The following CDH12 variants were observed in gnomAD, a reference collection of about 807,000 sequenced individuals.
CDH12 encodes cadherin 12.
CDH12 carries 41 observed loss-of-function variants against 74.1 expected under a neutral mutation model. That is an observed-to-expected ratio of 0.55 (90% CI 0.43 to 0.72). The LOEUF (loss-of-function observed/expected upper bound fraction) is 0.72, where lower values mean the gene tolerates loss of function less well. CDH12 is among the 30% of genes least tolerant of loss of function. The pLI is 0.00. For missense variants in CDH12, 945 were observed against 977.2 expected (o/e 0.97, Z 0.44); for synonymous variants, 399 against 355.0 (o/e 1.12, Z -1.39).
At chr5:22,665,542 T>C (rs1410774585) in intron 1 of CDH12, among the ~76,000 whole-genome samples, 1 of 152,188 alleles carries the variant, frequency 6.6e-6, no homozygotes, top group Non-Finnish European at 1.5e-5. Context: ...TATTACAGAA[T>C]CATTCTTGAG....
intron 3 of CDH12, among the ~76,000 whole-genome samples, chr5:22,367,476 T>C (rs1291009676): frequency 1.3e-5 from 2 of 152,188 alleles, no homozygotes; most frequent in East Asian, 3.9e-4. Context: ...TAGTTGGTTA[T>C]AGTTTCAGAA....
At chr5:21,984,991 G>C (rs1757454725) in intron 5 of CDH12, among the ~76,000 whole-genome samples, 1 of 151,906 alleles carries the variant, frequency 6.6e-6, no homozygotes, top group African/African-American at 2.4e-5. Context: ...TAAAATGCCT[G>C]TTATCACTTA....
At chr5:22,550,145 T>A (rs978151648) in intron 1 of CDH12, among the ~76,000 whole-genome samples, 1 of 152,192 alleles carries the variant, frequency 6.6e-6, no homozygotes, top group Admixed American at 6.5e-5. Flanking sequence ...TCAGTACAAT[T>A]TTCTGTCTCA....
intron 1 of CDH12, among the ~76,000 whole-genome samples, chr5:22,841,440 AATGTC>A (rs1737077383): frequency 6.6e-6 from 1 of 152,170 alleles, no homozygotes; most frequent in Admixed American, 6.6e-5. Flanking sequence ...GTGAATTTGG[AATGTC>A]TATTAGATAT....
At chr5:22,460,582 CAG>C (rs1229909725) in intron 2 of CDH12, among the ~76,000 whole-genome samples, 2 of 151,964 alleles carry the variant, frequency 1.3e-5, no homozygotes, top group African/African-American at 4.8e-5. Context: ...TCACTTATAG[CAG>C]AGATGTTTAA....
chr5:22,460,160 T>C (rs529591224), intron 2 of CDH12, among the ~76,000 whole-genome samples: 56 of 152,294 alleles, frequency 3.7e-4, no homozygotes, highest in African/African-American at 1.3e-3. Flanking sequence ...CTTTTAAGAA[T>C]GACATTAAAA....
chr5:22,055,280 C>T (rs942314912), intron 5 of CDH12, among the ~76,000 whole-genome samples: 2 of 152,138 alleles, frequency 1.3e-5, no homozygotes, highest in Non-Finnish European at 2.9e-5. Context: ...GAGAAAGAAC[C>T]AGCCATTCTG....
At chr5:21,772,257 T>C (rs1409484305) in intron 11 of CDH12, among the ~76,000 whole-genome samples, 1 of 152,096 alleles carries the variant, frequency 6.6e-6, no homozygotes, top group Non-Finnish European at 1.5e-5. Context: ...AATCAAAATA[T>C]CAGAACATGC....
intron 1 of CDH12, among the ~76,000 whole-genome samples, chr5:22,760,428 C>A (rs1159846303): frequency 6.6e-6 from 1 of 152,040 alleles, no homozygotes; most frequent in Non-Finnish European, 1.5e-5. Context: ...CGCCTGTAAT[C>A]CCATCACTTT....
intron 5 of CDH12, among the ~76,000 whole-genome samples, chr5:22,029,086 C>A (rs1738611455): frequency 6.6e-6 from 1 of 152,154 alleles, no homozygotes; most frequent in African/African-American, 2.4e-5. Context: ...TGGATCCCTT[C>A]CATACACCTT....
chr5:22,552,801 A>G (rs1738632743), intron 1 of CDH12, among the ~76,000 whole-genome samples: 1 of 152,228 alleles, frequency 6.6e-6, no homozygotes, highest in African/African-American at 2.4e-5. Context: ...CCGTAGTTTT[A>G]TGTCTATGGA....
intron 3 of CDH12, among the ~76,000 whole-genome samples, chr5:22,249,824 G>A (rs536673114): frequency 6.6e-6 from 1 of 152,088 alleles, no homozygotes; most frequent in Non-Finnish European, 1.5e-5. Flanking sequence ...ATCTTTTGTT[G>A]TATTGCATAT....
chr5:22,258,090 C>T (rs934746394), intron 3 of CDH12, among the ~76,000 whole-genome samples: 7 of 151,754 alleles, frequency 4.6e-5, no homozygotes, highest in South Asian at 4.2e-4. Flanking sequence ...TAGCTGAGGA[C>T]GTAAAGTTTT....
intron 1 of CDH12, among the ~76,000 whole-genome samples, chr5:22,768,138 G>A (rs1184348802): frequency 1.3e-5 from 2 of 151,880 alleles, no homozygotes; most frequent in Non-Finnish European, 2.9e-5. Flanking sequence ...ACTCACTACA[G>A]CTACTTAATC....
At chr5:22,719,378 G>A (rs1743759337) in intron 1 of CDH12, among the ~76,000 whole-genome samples, 1 of 152,182 alleles carries the variant, frequency 6.6e-6, no homozygotes, top group Admixed American at 6.5e-5. Flanking sequence ...GATGGTTACG[G>A]TGATGGTAGA....
intron 1 of CDH12, among the ~76,000 whole-genome samples, chr5:22,513,170 G>T (rs1736680555): frequency 6.6e-6 from 1 of 152,128 alleles, no homozygotes; most frequent in Admixed American, 6.5e-5. Flanking sequence ...CTGAGGAACT[G>T]AAGTGCATCT....
At chr5:21,849,836 T>C (rs1265059302) in intron 7 of CDH12, among the ~76,000 whole-genome samples, 2 of 151,698 alleles carry the variant, frequency 1.3e-5, no homozygotes, top group African/African-American at 2.4e-5. Context: ...TATCGCCTCA[T>C]AAAGACATGT....
chr5:22,348,762 A>G (rs537639181), intron 3 of CDH12, among the ~76,000 whole-genome samples: 9 of 152,344 alleles, frequency 5.9e-5, no homozygotes, highest in Admixed American at 5.2e-4. Context: ...TTTAAAAGAT[A>G]TGGATGGGAT....
Position 22,428,434 on chromosome 5 carries a change from CAT to C in CDH12, c.-427-23085_-427-23084del, listed in dbSNP as rs1160930403. On this transcript the variant is annotated intron_variant, in intron 2 of 14. Coordinates refer to ENST00000382254, the MANE Select transcript of CDH12 (RefSeq NM_004061.5). ...TTCCAAAATTTTATAGAGGAATACA[CAT>C]ATATATATATGTGTGTGTGTGTGTG... is the stretch of plus-strand genomic sequence containing the variant. Among the ~76,000 whole-genome samples, 971 of 150,832 alleles carry C rather than the reference CAT, an allele frequency of 6.4e-3. 8 individuals carry two copies. Among genetic ancestry groups the C allele is most frequent in the African/African-American group, 0.021 (855 of 40,890 alleles).
Sources: allele counts gnomAD v4.1 joint callset (sites outside exome capture counted in the v4.1 genomes callset), GRCh38; gene constraint gnomAD v4.1.1; transcripts MANE v1.5; gene names NCBI Gene and HGNC (gene_info 2026-07-23, HGNC 2026-07-21).